CBX1: variants seen among roughly 807,000 people sequenced by gnomAD.
CBX1 encodes chromobox protein homolog 1.
In CBX1, 10 loss-of-function variants were observed where a neutral mutation model predicts 25.1. That is an observed-to-expected ratio of 0.40 (90% confidence interval 0.25 to 0.68). CBX1 has a LOEUF of 0.68. Ranked by LOEUF, CBX1 falls within the 30% of genes least tolerant of loss-of-function variation. The probability of loss-of-function intolerance (pLI) is 0.40; values close to 1 mark genes in which losing one functional copy is unlikely to be tolerated. For synonymous variants in CBX1, 63 were observed against 79.4 expected, an observed-to-expected ratio of 0.79 and a Z score of 1.10; for missense variants, 106 against 218.5, an observed-to-expected ratio of 0.49 and a Z score of 3.25.
chr17:48,088,126 T>TA (rs1005911689), intron 1 of CBX1: 1 of 151,366 alleles, frequency 6.6e-6, no homozygotes, highest in African/African-American at 2.4e-5. Context: ...CTGGCCAACA[T>TA]AGTGAAACCC....
chr17:48,084,949 A>G (rs1427889574), intron 1 of CBX1, among the ~76,000 whole-genome samples: 1 of 152,126 alleles, frequency 6.6e-6, no homozygotes, highest in Non-Finnish European at 1.5e-5. Flanking sequence ...CTCAAGAGTT[A>G]CTAGTTGAAG....
intron 1 of CBX1, among the ~76,000 whole-genome samples, chr17:48,085,220 C>T (rs1042324039): frequency 2.6e-5 from 4 of 152,190 alleles, no homozygotes; most frequent in African/African-American, 9.6e-5. Flanking sequence ...CACATTATCT[C>T]ATTTAATCTT....
chr17:48,096,751 C>A (rs1294074326), intron 1 of CBX1, among the ~76,000 whole-genome samples: 3 of 151,676 alleles, frequency 2.0e-5, no homozygotes, highest in African/African-American at 7.3e-5. Flanking sequence ...GCACTCCAGC[C>A]TGGGTGACAG....
intron 4 of CBX1, among the ~76,000 whole-genome samples, chr17:48,074,178 C>G (rs2037653153): frequency 6.6e-6 from 1 of 152,148 alleles, no homozygotes; most frequent in South Asian, 2.1e-4. Flanking sequence ...ACACGAGTTT[C>G]AGAGTAAGTT....
chr17:48,071,995 A>ATTT, intron 4 of CBX1, among the ~76,000 whole-genome samples: 1 of 121,374 alleles, frequency 8.2e-6, no homozygotes, highest in South Asian at 2.8e-4. Flanking sequence ...TTGTAATAGG[A>ATTT]TTTTTTTTTT....
At chr17:48,100,560 A>G (rs1445262864) in intron 1 of CBX1, 1 of 178,714 alleles carries the variant, frequency 5.6e-6, no homozygotes, top group Non-Finnish European at 1.1e-5. Context: ...CACTGTAAGG[A>G]CCCATCAGGA....
Position 48,071,255 on chromosome 17 carries a change from C to T in CBX1, c.*180G>A. ...TTTCCCCTCCACTGGGATGGGTGTG[C>T]AAACTATACAGCTTGAAACGGCTTT... On this transcript the variant is annotated 3_prime_UTR_variant, in exon 5 of 5. Coordinates refer to ENST00000225603, the MANE Select transcript of CBX1 (RefSeq NM_001127228.2). The T allele has an allele frequency of 2.0e-6, 1 of 511,978 alleles. No individual in the cohort carries two copies. The allele number at this position is 511,978 out of a possible 1,614,324, so 31.7% of individuals were successfully genotyped here.
intron 1 of CBX1, among the ~76,000 whole-genome samples, chr17:48,085,003 T>G (rs2063304119): frequency 6.6e-6 from 1 of 152,174 alleles, no homozygotes; most frequent in Admixed American, 6.5e-5. Context: ...GAGTATGGTT[T>G]TACAGTATGT....
intron 1 of CBX1, among the ~76,000 whole-genome samples, chr17:48,086,519 A>C (rs977668371): frequency 1.3e-5 from 2 of 152,184 alleles, no homozygotes; most frequent in Non-Finnish European, 2.9e-5. Flanking sequence ...TAAGAAACTA[A>C]ACCAGTAGGG....
intron 1 of CBX1, among the ~76,000 whole-genome samples, chr17:48,096,659 T>C (rs1208728305): frequency 6.6e-6 from 1 of 152,034 alleles, no homozygotes; most frequent in East Asian, 1.9e-4. Flanking sequence ...CCTGTATTCC[T>C]AGCTCCTCAG....
In CBX1 at chr17:48,100,992, G is replaced by A. The variant is rs2063406512; in HGVS notation, c.-38+276C>T. Reference sequence around the variant, plus strand: ...CATTGTTCCAGACCACCCGGGCCCCGAAGAGCGGCCCCCAAGTGCTCGGCC... The same window carrying A: ...CATTGTTCCAGACCACCCGGGCCCCAAAGAGCGGCCCCCAAGTGCTCGGCC... On this transcript the variant is annotated intron_variant, in intron 1 of 4. Transcript: ENST00000225603. The A allele has an allele frequency of 6.1e-6, 6 of 985,848 alleles. No homozygotes were observed. In the South Asian group the frequency reaches 2.8e-4, roughly 46 times the overall value. The allele number at this position is 985,848 out of a possible 1,614,324, so 61.1% of individuals were successfully genotyped here.
intron 1 of CBX1, among the ~76,000 whole-genome samples, chr17:48,093,555 C>G (rs999078217): frequency 6.6e-6 from 1 of 152,196 alleles, no homozygotes; most frequent in Non-Finnish European, 1.5e-5. Context: ...GCTTCAGGAA[C>G]TGTTGTAAAC....
At chr17:48,080,954 ATATATATATATATATAT>A (rs2037730517) in intron 1 of CBX1, among the ~76,000 whole-genome samples, 3 of 18,526 alleles carry the variant, frequency 1.6e-4, no homozygotes, top group Non-Finnish European at 2.7e-4. Context: ...AAAAAAAAAT[ATATATATATATATATAT>A]ATATATATAT....
intron 1 of CBX1, among the ~76,000 whole-genome samples, chr17:48,091,983 CTTTTTT>C (rs56277117): frequency 1.1e-4 from 7 of 62,914 alleles, no homozygotes; most frequent in Non-Finnish European, 1.6e-4. Context: ...CCAGCCAGAT[CTTTTTT>C]TTTTTTTTTT....
intron 1 of CBX1, among the ~76,000 whole-genome samples, chr17:48,079,443 A>T (rs1179376594): frequency 6.6e-6 from 1 of 152,138 alleles, no homozygotes; most frequent in Non-Finnish European, 1.5e-5. Flanking sequence ...TTCTGAATTG[A>T]ACTTACGATT....
intron 1 of CBX1, among the ~76,000 whole-genome samples, chr17:48,097,177 C>T (rs80037184): frequency 1.3e-5 from 2 of 151,428 alleles, no homozygotes; most frequent in African/African-American, 2.4e-5. Context: ...TCACTTGAAC[C>T]GAGGAGGCGG....
rs551407975 is a variant in CBX1 at position 48,077,457 on chromosome 17, T to G, written c.-37-416A>C. Among the ~76,000 whole-genome samples, 1,353 of 142,752 alleles carry G rather than the reference T, an allele frequency of 9.5e-3. 37 individuals are homozygous for G. Among genetic ancestry groups the G allele is most frequent in the African/African-American group, 0.023 (876 of 38,810 alleles). 93.7% of individuals were successfully genotyped at this position (142,752 alleles called of 152,430 possible). A position where few individuals can be genotyped will look rare whatever the true frequency, so the allele number is the denominator to read the frequency against. Reference sequence around the variant, plus strand: ...TGTTTTTTTTTTTGTTTTTTTTGTTTTTTTTTTTTTAGTAGAGACGGGATT... The same window carrying G: ...TGTTTTTTTTTTTGTTTTTTTTGTTGTTTTTTTTTTAGTAGAGACGGGATT... On this transcript the variant is annotated intron_variant, in intron 1 of 4. Transcript: ENST00000225603.
At chr17:48,093,412 TAA>T (rs1288216215) in intron 1 of CBX1, among the ~76,000 whole-genome samples, 2 of 151,024 alleles carry the variant, frequency 1.3e-5, no homozygotes, top group African/African-American at 4.9e-5. Context: ...GTATAAGCAA[TAA>T]AAAGTAGCCA....
At chr17:48,090,725 T>C (rs1379754683) in intron 1 of CBX1, among the ~76,000 whole-genome samples, 3 of 152,212 alleles carry the variant, frequency 2.0e-5, no homozygotes, top group Admixed American at 6.6e-5. Context: ...CTTAACCAAT[T>C]TCCTTAGCTT....
Sources: allele counts gnomAD v4.1 joint callset (sites outside exome capture counted in the v4.1 genomes callset), GRCh38; gene constraint gnomAD v4.1.1; transcripts MANE v1.5; gene names NCBI Gene and HGNC (gene_info 2026-07-23, HGNC 2026-07-21).